FER1L6: variants seen among roughly 807,000 people sequenced by gnomAD.
FER1L6 encodes the protein fer-1-like protein 6.
In FER1L6, 177 loss-of-function variants were observed where a neutral mutation model predicts 219.2. That is an observed-to-expected ratio of 0.81 (90% CI 0.71 to 0.91). FER1L6 has a LOEUF of 0.91. Among genes scored for constraint, FER1L6 ranks in the 40% least tolerant of loss-of-function variants. The pLI is 0.00. For missense variants in FER1L6, 2,153 were observed against 2,259.9 expected (o/e 0.95, Z 0.96); for synonymous variants, 768 against 824.3 (o/e 0.93, Z 1.17).
At chr8:123,971,142 A>T (rs1815791832) in intron 6 of FER1L6, among the ~76,000 whole-genome samples, 1 of 152,188 alleles carries the variant, frequency 6.6e-6, no homozygotes, top group African/African-American at 2.4e-5. Flanking sequence ...TTTATCACTG[A>T]CTCAATATAA....
intron 1 of FER1L6, among the ~76,000 whole-genome samples, chr8:123,888,011 T>A (rs1817236992): frequency 6.6e-6 from 1 of 152,216 alleles, no homozygotes; most frequent in Non-Finnish European, 1.5e-5. Flanking sequence ...AAGTTAGACA[T>A]TCTTGGGGCT....
intron 17 of FER1L6, 47 bp downstream of exon 17, chr8:124,021,716 G>A (rs1457513611): frequency 1.9e-6 from 3 of 1,605,138 alleles, no homozygotes; most frequent in Non-Finnish European, 2.6e-6. Flanking sequence ...TAGATGGAAT[G>A]TCTTCCAGGG....
intron 39 of FER1L6, among the ~76,000 whole-genome samples, chr8:124,114,716 G>A (rs532285549): frequency 3.4e-4 from 51 of 151,550 alleles, no homozygotes; most frequent in African/African-American, 1.2e-3. Context: ...CAGCATATAA[G>A]ATTATATATG....
chr8:123,884,011 A>G (rs911247323), intron 1 of FER1L6, among the ~76,000 whole-genome samples: 7 of 152,178 alleles, frequency 4.6e-5, no homozygotes, highest in African/African-American at 1.7e-4. Context: ...CATATTTTTT[A>G]AGTGAGCTCC....
chr8:124,059,132 A>G (rs1330531162), intron 22 of FER1L6, among the ~76,000 whole-genome samples: 1 of 152,232 alleles, frequency 6.6e-6, no homozygotes, highest in Non-Finnish European at 1.5e-5. Context: ...TGAAGTAAAT[A>G]AAGACTTCCT....
In FER1L6 at chr8:124,014,844, T is replaced by C. The variant is rs372421840; in HGVS notation, c.1922+1313T>C. The stretch of plus-strand genomic sequence containing the variant: ...TAACATCATAGTTATTATCTCACTG[T>C]TTCTGTGGGTCAGGGGTCCAGGTGT... On this transcript the variant is annotated intron_variant, in intron 15 of 40. Coordinates refer to ENST00000522917, the MANE Select transcript of FER1L6 (RefSeq NM_001039112.2). Among the ~76,000 whole-genome samples, 17 of 152,302 alleles carry C rather than the reference T, an allele frequency of 1.1e-4. No individual in the cohort carries two copies. In the East Asian group the frequency reaches 2.1e-3, roughly 19 times the overall value.
intron 37 of FER1L6, among the ~76,000 whole-genome samples, chr8:124,100,050 T>C (rs1822485811): frequency 6.6e-6 from 1 of 152,170 alleles, no homozygotes; most frequent in Non-Finnish European, 1.5e-5. Context: ...ACAAATGTAT[T>C]GGTTGAGTGA....
At chr8:124,014,182 T>G (rs1446543391) in intron 15 of FER1L6, 2 of 152,554 alleles carry the variant, frequency 1.3e-5, no homozygotes, top group Non-Finnish European at 2.9e-5. Context: ...ATATATATCC[T>G]TCTTCAGAGG....
intron 1 of FER1L6, among the ~76,000 whole-genome samples, chr8:123,855,961 A>G (rs1021667680): frequency 2.7e-5 from 4 of 147,262 alleles, no homozygotes; most frequent in Admixed American, 6.8e-5. Flanking sequence ...TATATATATT[A>G]CAGATATACA....
At position 124,039,857 on chromosome 8, in the gene FER1L6, G is replaced by A. The variant is rs1470905035; in HGVS notation, c.2465-25G>A. 3 of 1,613,890 alleles carry A rather than the reference G, an allele frequency of 1.9e-6. No homozygotes were observed. In the Admixed American group the frequency reaches 5.0e-5, roughly 27 times the overall value. On this transcript the variant is annotated intron_variant, in intron 19 of 40. Coordinates refer to ENST00000522917, the MANE Select transcript of FER1L6 (RefSeq NM_001039112.2). ...GTTCTTGAAAAGCCCACTAACACCTGCCCCCTTCCATGATTTGTCCACAGA... is the reference window on the plus strand; with the variant it reads ...GTTCTTGAAAAGCCCACTAACACCTACCCCCTTCCATGATTTGTCCACAGA...
intron 1 of FER1L6, among the ~76,000 whole-genome samples, chr8:123,898,772 T>C (rs1479584940): frequency 9.8e-6 from 1 of 102,132 alleles, no homozygotes; most frequent in East Asian, 2.4e-4. Context: ...TATATATGTG[T>C]ATATATACGT....
intron 1 of FER1L6, among the ~76,000 whole-genome samples, chr8:123,871,462 C>T (rs1816923412): frequency 6.6e-6 from 1 of 152,052 alleles, no homozygotes; most frequent in South Asian, 2.1e-4. Context: ...AACCCCCTGC[C>T]CACTCCCCTC....
At chr8:123,904,223 T>TC (rs1563679451) in intron 1 of FER1L6, among the ~76,000 whole-genome samples, 13 of 130,922 alleles carry the variant, frequency 9.9e-5, no homozygotes, top group African/African-American at 4.0e-4. Context: ...ACTCTGTATA[T>TC]TTGTGTGTGT....
At chr8:123,976,677 T>C (rs1027280388) in intron 9 of FER1L6, among the ~76,000 whole-genome samples, 6 of 152,166 alleles carry the variant, frequency 3.9e-5, no homozygotes, top group Non-Finnish European at 8.8e-5. Flanking sequence ...GAGCTGTTTA[T>C]TCAGTCCCCA....
intron 15 of FER1L6, 38 bp from the exon 16 acceptor site, chr8:124,017,590 A>C (rs772096911): frequency 6.8e-7 from 1 of 1,461,088 alleles, no homozygotes; most frequent in South Asian, 1.2e-5. Flanking sequence ...ATGGATTTTC[A>C]CTAAGTAGGT....
At chr8:124,027,462 C>A (rs1248806180) in intron 18 of FER1L6, among the ~76,000 whole-genome samples, 1 of 152,210 alleles carries the variant, frequency 6.6e-6, no homozygotes, top group Non-Finnish European at 1.5e-5. Flanking sequence ...ATTTGAACAA[C>A]TAGACATCCA....
intron 1 of FER1L6, among the ~76,000 whole-genome samples, chr8:123,864,282 T>C (rs1412917559): frequency 2.0e-5 from 3 of 148,760 alleles, no homozygotes; most frequent in African/African-American, 7.6e-5. Flanking sequence ...AAAATTCTTT[T>C]CTTTAAGAAT....
At chr8:123,958,272 T>C (rs949466050) in intron 2 of FER1L6, among the ~76,000 whole-genome samples, 7 of 152,330 alleles carry the variant, frequency 4.6e-5, no homozygotes, top group African/African-American at 1.7e-4. Flanking sequence ...TCCGGATCTA[T>C]TCTCCACCCT....
At chr8:123,874,521 T>C (rs1563669603) in intron 1 of FER1L6, among the ~76,000 whole-genome samples, 1 of 152,218 alleles carries the variant, frequency 6.6e-6, no homozygotes, top group Non-Finnish European at 1.5e-5. Flanking sequence ...TAGAAAATAG[T>C]AATACTCAGA....
Sources: gnomAD v4.1 joint callset for allele counts (sites outside exome capture counted in the v4.1 genomes callset) on GRCh38, gnomAD v4.1.1 for gene constraint, MANE v1.5 for transcripts, NCBI Gene and HGNC (gene_info 2026-07-23, HGNC 2026-07-21) for gene names.